DLG2: variants seen among roughly 807,000 people sequenced by gnomAD.
DLG2 encodes the protein disks large homolog 2.
DLG2 carries 45 observed loss-of-function variants against 132.5 expected under a neutral mutation model. That is an observed-to-expected ratio of 0.34 (90% confidence interval 0.27 to 0.44). DLG2 has a LOEUF of 0.44. Among genes scored for constraint, DLG2 ranks in the 20% least tolerant of loss-of-function variants. DLG2 has a pLI of 1.00. For missense variants in DLG2, 1,045 were observed against 1,196.9 expected, an observed-to-expected ratio of 0.87 and a Z score of 1.87; for synonymous variants, 424 against 419.6, an observed-to-expected ratio of 1.01 and a Z score of -0.13.
chr11:83,509,737 T>C (rs1244592006), intron 21 of DLG2, among the ~76,000 whole-genome samples: 1 of 152,116 alleles, frequency 6.6e-6, no homozygotes, highest in Non-Finnish European at 1.5e-5. Flanking sequence ...GAACAGTTTC[T>C]ACTTTTGATA....
chr11:85,214,664 T>C (rs1265745922), intron 4 of DLG2, among the ~76,000 whole-genome samples: 5 of 152,196 alleles, frequency 3.3e-5, no homozygotes. Flanking sequence ...TAAGCTGGTC[T>C]CCAAGACTAC....
chr11:84,059,320 G>A lies in DLG2; in HGVS notation c.914C>T (p.Pro305Leu), dbSNP rs2096554520. The A allele has an allele frequency of 1.2e-6, 2 of 1,612,618 alleles. No homozygotes were observed. Among genetic ancestry groups the A allele is most frequent in the Non-Finnish European group, 1.7e-6 (2 of 1,179,320 alleles). ...GTCATTTATATTTTGATTACCTTTA[G>A]GGCCTTTGAACAGTTTGATTTCCAC... ...TVVEIKLFKG[P>L]KGLGFSIAGG... The change falls in exon 11 of 28, where the codon CCT (proline) becomes CTT (leucine). Residue 305 changes from proline to leucine, a missense_variant. Physicochemically the swap from Pro to Leu is moderately conservative, Grantham distance 98. Transcript: ENST00000376104.
chr11:85,127,394 C>T (rs983911378), intron 5 of DLG2, among the ~76,000 whole-genome samples: 10 of 152,082 alleles, frequency 6.6e-5, no homozygotes, highest in South Asian at 6.2e-4. Context: ...ATATTTATCC[C>T]TGCCTACCCT....
chr11:83,948,271 A>G (rs1158349844), intron 14 of DLG2, among the ~76,000 whole-genome samples: 1 of 152,206 alleles, frequency 6.6e-6, no homozygotes, highest in Non-Finnish European at 1.5e-5. Flanking sequence ...TTCAAGGTCA[A>G]TCCAATTTTT....
At chr11:84,892,743 T>C (rs1403350098) in intron 6 of DLG2, among the ~76,000 whole-genome samples, 1 of 152,070 alleles carries the variant, frequency 6.6e-6, no homozygotes, top group Non-Finnish European at 1.5e-5. Flanking sequence ...TGATATCCGT[T>C]TTCTGGCTCT....
At chr11:84,275,953 G>T (rs2097779846) in intron 7 of DLG2, among the ~76,000 whole-genome samples, 1 of 152,136 alleles carries the variant, frequency 6.6e-6, no homozygotes, top group Non-Finnish European at 1.5e-5. Flanking sequence ...GAAAGGAAAG[G>T]TACAGCAAAG....
At chr11:84,895,590 G>T (rs1386992208) in intron 6 of DLG2, among the ~76,000 whole-genome samples, 1 of 152,008 alleles carries the variant, frequency 6.6e-6, no homozygotes, top group Non-Finnish European at 1.5e-5. Flanking sequence ...AGTAATTTTG[G>T]GGGCAGTGAG....
chr11:84,537,865 A>G (rs1052690361), intron 6 of DLG2, among the ~76,000 whole-genome samples: 2 of 152,220 alleles, frequency 1.3e-5, no homozygotes, highest in Non-Finnish European at 2.9e-5. Context: ...TTAAGCCACA[A>G]TACTATTTTG....
chr11:83,579,488 C>A (rs548656531), intron 19 of DLG2, among the ~76,000 whole-genome samples: 1 of 151,908 alleles, frequency 6.6e-6, no homozygotes, highest in Non-Finnish European at 1.5e-5. Flanking sequence ...AAACTAAAGA[C>A]AAAATTAATG....
chr11:84,456,744 TA>T (rs756799166), intron 7 of DLG2, among the ~76,000 whole-genome samples: 34 of 151,426 alleles, frequency 2.2e-4, no homozygotes, highest in Non-Finnish European at 4.1e-4. Flanking sequence ...GTATTTCACT[TA>T]TTTATTTTGT....
intron 11 of DLG2, among the ~76,000 whole-genome samples, chr11:84,029,811 T>C (rs2154089591): frequency 6.6e-6 from 1 of 152,228 alleles, no homozygotes; most frequent in Middle Eastern, 3.4e-3. Flanking sequence ...TATTTCTGCA[T>C]GAAGTGTTCT....
intron 6 of DLG2, among the ~76,000 whole-genome samples, chr11:84,978,928 T>C (rs1280419489): frequency 1.3e-5 from 2 of 152,172 alleles, no homozygotes; most frequent in African/African-American, 4.8e-5. Context: ...GACAAAGGGC[T>C]AATATCCAGA....
intron 3 of DLG2, among the ~76,000 whole-genome samples, chr11:85,400,610 T>C (rs1039615466): frequency 4.9e-5 from 7 of 143,694 alleles, no homozygotes; most frequent in South Asian, 4.6e-4. Context: ...CCATAAAAAA[T>C]GATGAGTTCA....
Position 85,242,942 on chromosome 11 carries a change from A to C in DLG2, c.186+42278T>G, listed in dbSNP as rs138592831. On this transcript the variant is annotated intron_variant, in intron 4 of 27. Transcript: ENST00000376104. ...CTTCCCAAGACTACTCAAGCCCCAC[A>C]CCAAGGATGTGGGTACCAGAAGTCT... 4.2e-3 allele frequency among the ~76,000 whole-genome samples: 634 copies of C among 152,058 alleles called. 3 individuals carry two copies. Among genetic ancestry groups the C allele is most frequent in the African/African-American group, 0.015 (609 of 41,512 alleles).
At position 83,833,623 on chromosome 11, in the gene DLG2, C is replaced by T; in HGVS notation, c.1713G>A (p.Gln571=). Residue 571 remains glutamine (Q), a synonymous_variant, in exon 17 of 28, where the codon CAG becomes CAA. Coordinates refer to ENST00000376104, the MANE Select transcript of DLG2 (RefSeq NM_001142699.3). ...AAAGAAACATACTCACCGATAGGAT[C>T]TGGTCTCCTCTCTGGAGCTCCCCAC... is the stretch of plus-strand genomic sequence containing the variant. ...DLSGELQRGD[Q]ILSVNGIDLR... The T allele has an allele frequency of 6.2e-7, 1 of 1,613,752 alleles. No individual in the cohort carries two copies. The highest frequency in any genetic ancestry group is 1.3e-5 in the African/African-American group (1 of 75,022).
chr11:84,771,650 A>C (rs1293875757), intron 6 of DLG2, among the ~76,000 whole-genome samples: 1 of 152,242 alleles, frequency 6.6e-6, no homozygotes, highest in Middle Eastern at 3.2e-3. Context: ...GGAGTTTTAT[A>C]AACAGAAATG....
intron 10 of DLG2, among the ~76,000 whole-genome samples, chr11:84,073,066 T>C (rs1216911997): frequency 1.3e-5 from 2 of 152,258 alleles, no homozygotes; most frequent in Admixed American, 1.3e-4. Flanking sequence ...AAATCATTTG[T>C]CATTCATTTT....
At chr11:84,194,440 C>T (rs933218536) in intron 8 of DLG2, among the ~76,000 whole-genome samples, 7 of 152,090 alleles carry the variant, frequency 4.6e-5, no homozygotes, top group Non-Finnish European at 8.8e-5. Flanking sequence ...GTGGCACAGA[C>T]CCAAAGAGTG....
intron 19 of DLG2, among the ~76,000 whole-genome samples, chr11:83,590,972 C>T (rs1158272991): frequency 6.6e-6 from 1 of 151,912 alleles, no homozygotes; most frequent in Admixed American, 6.5e-5. Flanking sequence ...AGACCAATAA[C>T]AGGAGCTGAA....
Sources: allele counts gnomAD v4.1 joint callset (sites outside exome capture counted in the v4.1 genomes callset), GRCh38; gene constraint gnomAD v4.1.1; transcripts MANE v1.5; gene names NCBI Gene and HGNC (gene_info 2026-07-23, HGNC 2026-07-21).